PTCD2: variants seen among roughly 807,000 people sequenced by gnomAD.
PTCD2 encodes pentatricopeptide repeat domain 2, also known as pentatricopeptide repeat-containing protein 2, mitochondrial.
A neutral mutation model predicts 42.6 loss-of-function variants in PTCD2; 31 were observed. The observed-to-expected ratio is 0.73, with a 90% CI of 0.55 to 0.98. PTCD2 has a LOEUF of 0.98. Ranked by LOEUF, PTCD2 falls within the 50% of genes least tolerant of loss-of-function variation. PTCD2 has a pLI of 0.00. For missense variants in PTCD2, 476 were observed against 454.8 expected, an observed-to-expected ratio of 1.05 and a Z score of -0.42; for synonymous variants, 183 against 170.9, an observed-to-expected ratio of 1.07 and a Z score of -0.55.
At chr5:72,322,316 T>A (rs746599994) in intron 2 of PTCD2, 52 bp downstream of exon 2, 1 of 1,098,544 alleles carries the variant, frequency 9.1e-7, no homozygotes, top group Non-Finnish European at 1.4e-6. Context: ...TTTAAGTTTC[T>A]CTGTCTTTAT....
intron 2 of PTCD2, among the ~76,000 whole-genome samples, chr5:72,324,515 C>T (rs1751036812): frequency 6.6e-6 from 1 of 152,122 alleles, no homozygotes; most frequent in African/African-American, 2.4e-5. Context: ...TAGAATATCC[C>T]CCTCCTCCAT....
At position 72,368,210 on chromosome 5, in the gene PTCD2, A is replaced by G. The variant is rs1460038767; in HGVS notation, c.*9783A>G. The G allele has an allele frequency of 2.0e-5, 3 of 152,210 alleles. No homozygotes were observed. Among genetic ancestry groups the G allele is most frequent in the African/African-American group, 7.2e-5 (3 of 41,434 alleles). 9.4% of individuals were successfully genotyped at this position (152,210 alleles called of 1,614,324 possible). A position where few individuals can be genotyped will look rare whatever the true frequency, so the allele number is the denominator to read the frequency against. ...CTAGATAGATGCAGAGTGTGGGACA[A>G]AGACAACCAGCACATTGCTAAGCCC... On this transcript the variant is annotated 3_prime_UTR_variant, in exon 10 of 10. Transcript: ENST00000380639.
In PTCD2 at chr5:72,360,212, A is replaced by G. The variant is rs1477466323; in HGVS notation, c.*1785A>G. On this transcript the variant is annotated 3_prime_UTR_variant, in exon 10 of 10. Transcript: ENST00000380639. ...TGTGTCTGGTGTTTTGCACATGCAA[A>G]AAAAAAAAAAAAAGTGCTTGGATTT... 2.0e-5 allele frequency: 3 copies of G among 149,872 alleles called. No homozygotes were observed. Among genetic ancestry groups the G allele is most frequent in the Admixed American group, 1.3e-4 (2 of 15,056 alleles). The allele number at this position is 149,872 out of a possible 1,614,324, so 9.3% of individuals were successfully genotyped here. A position where few individuals can be genotyped will look rare whatever the true frequency, so the allele number is the denominator to read the frequency against.
intron 9 of PTCD2, among the ~76,000 whole-genome samples, chr5:72,354,866 G>A (rs1007438305): frequency 6.6e-6 from 1 of 152,074 alleles, no homozygotes; most frequent in African/African-American, 2.4e-5. Flanking sequence ...TACAAATTAG[G>A]GTCTGTTCGT....
At position 72,361,567 on chromosome 5, in the gene PTCD2, C is replaced by T. The variant is rs543682601; in HGVS notation, c.*3140C>T. On this transcript the variant is annotated 3_prime_UTR_variant, in exon 10 of 10. Coordinates refer to ENST00000380639, the MANE Select transcript of PTCD2 (RefSeq NM_024754.5). ...CACTTCCACTAAAGTCCCAAGCCCC[C>T]CCAGATTCAAATGGAGGGAGCATAT... 1.3e-5 allele frequency: 2 copies of T among 152,256 alleles called. No homozygotes were observed. The highest frequency in any genetic ancestry group is 2.1e-4 in the South Asian group (1 of 4,822). 9.4% of individuals were successfully genotyped at this position (152,256 alleles called of 1,614,324 possible). A position where few individuals can be genotyped will look rare whatever the true frequency, so the allele number is the denominator to read the frequency against.
intron 9 of PTCD2, among the ~76,000 whole-genome samples, chr5:72,357,774 G>A (rs1279247851): frequency 5.9e-5 from 9 of 151,400 alleles, no homozygotes; most frequent in Admixed American, 2.0e-4. Context: ...GTAGCTTTTG[G>A]AATCCCTCAT....
intron 2 of PTCD2, 144 bp from the exon 3 acceptor site, chr5:72,326,468 A>C: frequency 1.3e-6 from 1 of 781,290 alleles, no homozygotes. Flanking sequence ...GAGATTGGCC[A>C]GTGATGGCAG....
At chr5:72,336,812 T>C (rs530300387) in intron 6 of PTCD2, among the ~76,000 whole-genome samples, 10 of 152,180 alleles carry the variant, frequency 6.6e-5, no homozygotes, top group Non-Finnish European at 1.2e-4. Flanking sequence ...ATCATTGAAA[T>C]AGTGAAATGA....
At chr5:72,344,848 G>A (rs1485401767) in intron 8 of PTCD2, among the ~76,000 whole-genome samples, 1 of 152,136 alleles carries the variant, frequency 6.6e-6, no homozygotes, top group Non-Finnish European at 1.5e-5. Context: ...TATGAATAGG[G>A]TGTGGGTCAC....
At chr5:72,340,862 T>G (rs1303826553) in intron 7 of PTCD2, among the ~76,000 whole-genome samples, 1 of 152,124 alleles carries the variant, frequency 6.6e-6, no homozygotes, top group African/African-American at 2.4e-5. Flanking sequence ...TTTTTTCCAC[T>G]TGATTGACGT....
chr5:72,337,090 T>C (rs1374137222), intron 6 of PTCD2, among the ~76,000 whole-genome samples: 1 of 152,176 alleles, frequency 6.6e-6, no homozygotes, highest in Admixed American at 6.5e-5. Context: ...ATATGACTTA[T>C]ATAGCTGTGA....
At chr5:72,336,127 G>T (rs1432299578) in intron 6 of PTCD2, among the ~76,000 whole-genome samples, 1 of 151,986 alleles carries the variant, frequency 6.6e-6, no homozygotes, top group Non-Finnish European at 1.5e-5. Context: ...GTGAGAACAA[G>T]AGGCAATGTG....
At chr5:72,340,202 T>G (rs1751983206) in intron 7 of PTCD2, among the ~76,000 whole-genome samples, 2 of 152,238 alleles carry the variant, frequency 1.3e-5, no homozygotes, top group Admixed American at 1.3e-4. Flanking sequence ...GTTTTGATTT[T>G]CTTAATTATT....
At chr5:72,330,484 T>C (rs1243458463) in intron 3 of PTCD2, among the ~76,000 whole-genome samples, 1 of 152,120 alleles carries the variant, frequency 6.6e-6, no homozygotes, top group African/African-American at 2.4e-5. Context: ...AGATTCTTAA[T>C]GAATAAGTCT....
chr5:72,328,893 G>C (rs1246054512), intron 3 of PTCD2, among the ~76,000 whole-genome samples: 1 of 152,008 alleles, frequency 6.6e-6, no homozygotes, highest in Non-Finnish European at 1.5e-5. Flanking sequence ...CTTACTCTTT[G>C]TTTCCTTTTG....
chr5:72,321,669 G>A (rs1750855568), intron 1 of PTCD2, among the ~76,000 whole-genome samples: 1 of 152,154 alleles, frequency 6.6e-6, no homozygotes, highest in South Asian at 2.1e-4. Flanking sequence ...TGTATTTTGA[G>A]TCCACATCTG....
At chr5:72,331,433 A>G in intron 4 of PTCD2, 58 bp downstream of exon 4, 2 of 1,194,782 alleles carry the variant, frequency 1.7e-6, no homozygotes, top group Non-Finnish European at 2.5e-6. Context: ...GATATTGGAA[A>G]AGGCATGTCT....
Position 72,358,260 on chromosome 5 carries a change from G to A in PTCD2, c.1000G>A (p.Glu334Lys), listed in dbSNP as rs1752980415. ...DVPALVAKFDEIYGTLHITGQ... is the reference protein window; with the variant it reads ...DVPALVAKFDKIYGTLHITGQ... ...GCCTGCCCTTGTGGCCAAATTTGAT[G>A]AGATCTATGGGACACTGCACATCAC... The change falls in exon 10 of 10, where the codon GAG becomes AAG. Residue 334 changes from glutamate (E) to lysine (K), a missense_variant. Physicochemically the swap from Glu to Lys is moderately conservative, Grantham distance 56. Transcript: ENST00000380639. 1.9e-6 allele frequency: 3 copies of A among 1,614,008 alleles called. No homozygotes were observed. The highest frequency in any genetic ancestry group is 2.7e-5 in the African/African-American group (2 of 74,920).
intron 7 of PTCD2, among the ~76,000 whole-genome samples, chr5:72,341,828 G>T (rs1470167983): frequency 6.6e-6 from 1 of 151,856 alleles, no homozygotes; most frequent in Non-Finnish European, 1.5e-5. Flanking sequence ...AGATCATGAG[G>T]TCAGGAGATC....
Sources: allele counts gnomAD v4.1 joint callset (sites outside exome capture counted in the v4.1 genomes callset), GRCh38; gene constraint gnomAD v4.1.1; transcripts MANE v1.5; gene names NCBI Gene and HGNC (gene_info 2026-07-23, HGNC 2026-07-21).